SEMA3C: variants seen among roughly 807,000 people sequenced by gnomAD.
SEMA3C encodes the protein semaphorin 3C, also known as semaphorin-3C.
A neutral mutation model predicts 89.4 loss-of-function variants in SEMA3C; 47 were observed. That is an observed-to-expected ratio of 0.53 (90% CI 0.42 to 0.67). The LOEUF is 0.67. Among genes scored for constraint, SEMA3C ranks in the 30% least tolerant of loss-of-function variants. The probability of loss-of-function intolerance (pLI) is 0.00; values close to 1 mark genes in which losing one functional copy is unlikely to be tolerated. For missense variants in SEMA3C, 839 were observed against 929.1 expected (o/e 0.90, Z 1.26); for synonymous variants, 310 against 320.2 (o/e 0.97, Z 0.34).
chr7:80,900,610 T>C (rs370371375), intron 2 of SEMA3C, among the ~76,000 whole-genome samples: 1 of 152,206 alleles, frequency 6.6e-6, no homozygotes, highest in East Asian at 1.9e-4. Context: ...TTCACACTCA[T>C]GCAGTCAGCT....
intron 2 of SEMA3C, among the ~76,000 whole-genome samples, chr7:80,911,634 A>G (rs567133177): frequency 6.7e-6 from 1 of 150,162 alleles, no homozygotes; most frequent in Non-Finnish European, 1.5e-5. Context: ...TTTTTTTTGA[A>G]AGAGAGTCTC....
intron 15 of SEMA3C, among the ~76,000 whole-genome samples, chr7:80,753,921 G>A (rs1787994952): frequency 2.2e-5 from 3 of 139,512 alleles, no homozygotes; most frequent in Admixed American, 1.5e-4. Flanking sequence ...TTGTTTACTA[G>A]AGTTTTGTTT....
chr7:80,778,865 T>G (rs1788626992), intron 12 of SEMA3C, among the ~76,000 whole-genome samples: 1 of 152,156 alleles, frequency 6.6e-6, no homozygotes. Flanking sequence ...ATCACATTCT[T>G]TTATTCTCCT....
In SEMA3C at chr7:80,863,903, A is replaced by ATATATCACATATATAT. The variant is rs1562912180; in HGVS notation, c.104-35159_104-35158insATATATATGTGATATA. ...ATCACATATATATCACACATATATT[A>ATATATCACATATATAT]CATATATATCACATATATATCATAT... On this transcript the variant is annotated intron_variant, in intron 2 of 17. Coordinates refer to ENST00000265361, the MANE Select transcript of SEMA3C (RefSeq NM_006379.5). Among the ~76,000 whole-genome samples the ATATATCACATATATAT allele has an allele frequency of 1.5e-4, 18 of 120,110 alleles. 2 individuals are homozygous for ATATATCACATATATAT. Among genetic ancestry groups the ATATATCACATATATAT allele is most frequent in the African/African-American group, 7.3e-4 (18 of 24,748 alleles). 78.8% of individuals were successfully genotyped at this position (120,110 alleles called of 152,430 possible).
intron 2 of SEMA3C, among the ~76,000 whole-genome samples, chr7:80,832,727 G>T (rs559633980): frequency 1.3e-5 from 2 of 152,176 alleles, no homozygotes; most frequent in East Asian, 3.9e-4. Flanking sequence ...ATGGCAAGCA[G>T]AAATGTAGAA....
At chr7:80,765,279 A>G (rs767964097) in intron 12 of SEMA3C, 36 bp from the exon 13 acceptor site, 14 of 1,473,666 alleles carry the variant, frequency 9.5e-6, no homozygotes, top group Middle Eastern at 1.7e-4. Context: ...ATGTTACAAT[A>G]CTTTTTAAAA....
At chr7:80,879,371 A>C (rs1017330440) in intron 2 of SEMA3C, among the ~76,000 whole-genome samples, 1 of 152,192 alleles carries the variant, frequency 6.6e-6, no homozygotes, top group African/African-American at 2.4e-5. Flanking sequence ...GAACATGAGG[A>C]ATGAAATAAC....
chr7:80,783,477 T>C (rs991574707), intron 12 of SEMA3C, among the ~76,000 whole-genome samples: 4 of 152,200 alleles, frequency 2.6e-5, no homozygotes, highest in Non-Finnish European at 4.4e-5. Flanking sequence ...CACGATGTTA[T>C]TAAAAATCAG....
chr7:80,813,626 G>A (rs1258559597), intron 5 of SEMA3C, among the ~76,000 whole-genome samples: 1 of 152,118 alleles, frequency 6.6e-6, no homozygotes, highest in Non-Finnish European at 1.5e-5. Context: ...GGATTTCATT[G>A]CTTTGGATTT....
chr7:80,873,504 C>T (rs1171904302), intron 2 of SEMA3C, among the ~76,000 whole-genome samples: 1 of 152,152 alleles, frequency 6.6e-6, no homozygotes, highest in Non-Finnish European at 1.5e-5. Flanking sequence ...ATCAAATCAT[C>T]AGGCAATACT....
intron 1 of SEMA3C, among the ~76,000 whole-genome samples, chr7:80,917,672 G>A (rs1239887242): frequency 1.3e-5 from 2 of 152,166 alleles, no homozygotes; most frequent in East Asian, 3.9e-4. Context: ...AAACCTACAG[G>A]AGCTCTAGTG....
intron 2 of SEMA3C, among the ~76,000 whole-genome samples, chr7:80,841,333 G>A (rs1171643449): frequency 6.6e-6 from 1 of 152,102 alleles, no homozygotes; most frequent in Non-Finnish European, 1.5e-5. Context: ...ATAAATAAAT[G>A]TAGAAAAAAG....
At chr7:80,842,715 A>G (rs1790298322) in intron 2 of SEMA3C, among the ~76,000 whole-genome samples, 2 of 152,118 alleles carry the variant, frequency 1.3e-5, no homozygotes, top group South Asian at 2.1e-4. Context: ...TGAGTTATAG[A>G]TAGCTGGGGT....
At chr7:80,763,211 T>C (rs528350315) in intron 13 of SEMA3C, among the ~76,000 whole-genome samples, 46 of 152,340 alleles carry the variant, frequency 3.0e-4, no homozygotes, top group African/African-American at 1.1e-3. Flanking sequence ...CTCCTGGTTT[T>C]TCAAAGTCAC....
intron 15 of SEMA3C, among the ~76,000 whole-genome samples, chr7:80,754,439 A>C (rs1228439671): frequency 6.6e-6 from 1 of 152,194 alleles, no homozygotes; most frequent in Non-Finnish European, 1.5e-5. Flanking sequence ...TGGCATCAGC[A>C]CAAAACTAGG....
At chr7:80,758,277 C>A (rs1788108250) in intron 15 of SEMA3C, 54 bp downstream of exon 15, 1 of 1,556,414 alleles carries the variant, frequency 6.4e-7, no homozygotes, top group Non-Finnish European at 8.7e-7. Context: ...TGAAACACTT[C>A]TGTATTGTCT....
intron 17 of SEMA3C, among the ~76,000 whole-genome samples, chr7:80,747,140 G>A (rs1474387950): frequency 1.3e-5 from 2 of 152,128 alleles, no homozygotes; most frequent in Middle Eastern, 3.4e-3. Context: ...TCATACTTGT[G>A]TTAGAGCTAA....
At chr7:80,912,888 T>C (rs1214094252) in intron 2 of SEMA3C, among the ~76,000 whole-genome samples, 1 of 152,214 alleles carries the variant, frequency 6.6e-6, no homozygotes, top group African/African-American at 2.4e-5. Flanking sequence ...AAAGAGGCAA[T>C]TTATTATTTT....
chr7:80,784,942 T>G (rs1788768859), intron 12 of SEMA3C, among the ~76,000 whole-genome samples: 1 of 152,214 alleles, frequency 6.6e-6, no homozygotes, highest in African/African-American at 2.4e-5. Context: ...ACCCATAGAC[T>G]AGATACCAGT....
Sources: gnomAD v4.1 joint callset for allele counts (sites outside exome capture counted in the v4.1 genomes callset) on GRCh38, gnomAD v4.1.1 for gene constraint, MANE v1.5 for transcripts, NCBI Gene and HGNC (gene_info 2026-07-23, HGNC 2026-07-21) for gene names.